PDE1C: variants seen among roughly 807,000 people sequenced by gnomAD.
The protein encoded by PDE1C is dual specificity calcium/calmodulin-dependent 3',5'-cyclic nucleotide phosphodiesterase 1C.
PDE1C carries 62 observed loss-of-function variants against 93.1 expected under a neutral mutation model. That is an observed-to-expected ratio of 0.67 (90% confidence interval 0.54 to 0.82). PDE1C has a LOEUF of 0.82. PDE1C is among the 40% of genes least tolerant of loss of function. The probability of loss-of-function intolerance (pLI) is 0.00; values close to 1 mark genes in which losing one functional copy is unlikely to be tolerated. For missense variants in PDE1C, 742 were observed against 884.6 expected (o/e 0.84, Z 2.04); for synonymous variants, 325 against 310.1 (o/e 1.05, Z -0.50).
intron 1 of PDE1C, among the ~76,000 whole-genome samples, chr7:32,285,966 C>T (rs1811975761): frequency 6.6e-6 from 1 of 152,164 alleles, no homozygotes; most frequent in Admixed American, 6.5e-5. Context: ...TTCTCAGTGT[C>T]AGTCTCCCCA....
intron 2 of PDE1C, among the ~76,000 whole-genome samples, chr7:31,901,895 G>A (rs966264457): frequency 1.1e-4 from 16 of 151,108 alleles, no homozygotes; most frequent in Non-Finnish European, 1.8e-4. Context: ...AGTATATAAC[G>A]TTTGTCAAGT....
At chr7:32,029,026 G>T (rs1020251878) in intron 2 of PDE1C, among the ~76,000 whole-genome samples, 3 of 152,028 alleles carry the variant, frequency 2.0e-5, no homozygotes, top group Non-Finnish European at 2.9e-5. Flanking sequence ...TATATAAGGA[G>T]CTCAAACAAT....
chr7:32,259,731 A>G (rs1810063380), intron 1 of PDE1C, among the ~76,000 whole-genome samples: 1 of 152,110 alleles, frequency 6.6e-6, no homozygotes, highest in Non-Finnish European at 1.5e-5. Flanking sequence ...TTTCTACCCT[A>G]TGATGTTGCT....
At chr7:31,799,780 C>T (rs1402442538) in intron 16 of PDE1C, among the ~76,000 whole-genome samples, 1 of 151,664 alleles carries the variant, frequency 6.6e-6, no homozygotes, top group Non-Finnish European at 1.5e-5. Flanking sequence ...CTGCCTCCTC[C>T]ATTTTTTCTG....
the PDE1C span, chr7:31,708,032 T>C: frequency 2.0e-5 from 3 of 152,240 alleles, no homozygotes; most frequent in Admixed American, 1.3e-4. Flanking sequence ...TCATTATCAA[T>C]GGTAGATAAA....
chr7:32,070,418 G>A, upstream of PDE1C: 3 of 1,613,772 alleles, frequency 1.9e-6, no homozygotes, highest in African/African-American at 1.3e-5. Flanking sequence ...GACCACTGGC[G>A]GTGAAGCTGA....
intron 1 of PDE1C, among the ~76,000 whole-genome samples, chr7:32,400,301 T>A (rs1249954858): frequency 6.6e-6 from 1 of 152,166 alleles, no homozygotes; most frequent in African/African-American, 2.4e-5. Flanking sequence ...TAAATTTGAA[T>A]CCCAACTCTG....
chr7:31,698,116 G>T, the PDE1C span, among the ~76,000 whole-genome samples: 1 of 152,160 alleles, frequency 6.6e-6, no homozygotes, highest in Non-Finnish European at 1.5e-5. Flanking sequence ...TGGAATCTTA[G>T]CATTATAGGA....
the PDE1C span, among the ~76,000 whole-genome samples, chr7:31,698,663 G>C: frequency 6.6e-6 from 1 of 152,186 alleles, no homozygotes; most frequent in South Asian, 2.1e-4. Context: ...CTCTGTTCTA[G>C]GCAATGGTAC....
the PDE1C span, among the ~76,000 whole-genome samples, chr7:31,662,198 T>C: frequency 6.6e-6 from 1 of 152,234 alleles, no homozygotes; most frequent in South Asian, 2.1e-4. Context: ...GTCCTGCTGG[T>C]ACTAATTTTG....
chr7:31,849,298 G>A (rs1053665504), intron 8 of PDE1C, among the ~76,000 whole-genome samples: 2 of 152,150 alleles, frequency 1.3e-5, no homozygotes, highest in Non-Finnish European at 2.9e-5. Flanking sequence ...CCTTGGGCAG[G>A]TGATATTCAC....
At chr7:31,731,307 T>C in the PDE1C span, among the ~76,000 whole-genome samples, 3 of 152,050 alleles carry the variant, frequency 2.0e-5, no homozygotes, top group Non-Finnish European at 4.4e-5. Flanking sequence ...TTCATTTAGC[T>C]CTTCAGGAGC....
At chr7:32,298,031 T>TCTCTCC in intron 1 of PDE1C, among the ~76,000 whole-genome samples, 1 of 56,156 alleles carries the variant, frequency 1.8e-5, no homozygotes, top group African/African-American at 8.3e-5. Context: ...TCTCTCTCTC[T>TCTCTCC]CTCTCTCTCT....
intron 1 of PDE1C, among the ~76,000 whole-genome samples, chr7:32,240,778 T>C (rs1808489919): frequency 6.6e-6 from 1 of 152,202 alleles, no homozygotes; most frequent in Admixed American, 6.5e-5. Flanking sequence ...TCATTCTGGC[T>C]GCTGTGGCAA....
the PDE1C span, among the ~76,000 whole-genome samples, chr7:31,663,428 A>AAG: frequency 6.6e-6 from 1 of 152,184 alleles, no homozygotes; most frequent in Non-Finnish European, 1.5e-5. Flanking sequence ...CCTCTGGCCC[A>AAG]AGAGAGAGAG....
intron 3 of PDE1C, among the ~76,000 whole-genome samples, chr7:32,083,877 G>A (rs923220073): frequency 6.6e-6 from 1 of 151,860 alleles, no homozygotes; most frequent in Non-Finnish European, 1.5e-5. Flanking sequence ...GGAAAAACCG[G>A]TACCAGCTGC....
intron 1 of PDE1C, among the ~76,000 whole-genome samples, chr7:32,296,166 A>C (rs1032986961): frequency 6.6e-6 from 1 of 152,240 alleles, no homozygotes; most frequent in Admixed American, 6.5e-5. Flanking sequence ...ATAAAATGAC[A>C]GTTGATTTTC....
chr7:32,281,580 T>TAACAA (rs1241363676), intron 1 of PDE1C, among the ~76,000 whole-genome samples: 1 of 151,962 alleles, frequency 6.6e-6, no homozygotes, highest in Non-Finnish European at 1.5e-5. Flanking sequence ...ACCTTGCCTA[T>TAACAA]AACAAAACAA....
At chr7:31,706,502 T>C in the PDE1C span, among the ~76,000 whole-genome samples, 13 of 152,180 alleles carry the variant, frequency 8.5e-5, no homozygotes, top group Non-Finnish European at 1.5e-4. Flanking sequence ...TACAGTTGTA[T>C]GAAAAGCTCA....
Sources: allele counts gnomAD v4.1 joint callset (sites outside exome capture counted in the v4.1 genomes callset), GRCh38; gene constraint gnomAD v4.1.1; transcripts MANE v1.5; gene names NCBI Gene and HGNC (gene_info 2026-07-23, HGNC 2026-07-21).